The following P2RY8 variants were observed in gnomAD, a reference collection of about 807,000 sequenced individuals.
P2RY8 encodes P2Y receptor family member 8.
In P2RY8, 6 loss-of-function variants were observed where a neutral mutation model predicts 10.0. The observed-to-expected ratio is 0.60, with a 90% CI of 0.33 to 1.19. The LOEUF (loss-of-function observed/expected upper bound fraction) is 1.19. P2RY8 is among the 50% of genes most tolerant of loss of function. The pLI is 0.04. For synonymous variants in P2RY8, 276 were observed against 252.5 expected, an observed-to-expected ratio of 1.09 and a Z score of -0.88; for missense variants, 456 against 542.0, an observed-to-expected ratio of 0.84 and a Z score of 1.58.
At chrX:1,492,015 G>A (rs1490729725) in intron 1 of P2RY8, among the ~76,000 whole-genome samples, 1 of 152,210 alleles carries the variant, frequency 6.6e-6, no homozygotes, top group Admixed American at 6.5e-5. Flanking sequence ...GGTCCAGCTT[G>A]CTACTGGCCC....
intron 1 of P2RY8, among the ~76,000 whole-genome samples, chrX:1,487,212 G>C (rs2091994835): frequency 6.6e-6 from 1 of 152,190 alleles, no homozygotes; most frequent in Non-Finnish European, 1.5e-5. Flanking sequence ...AAGTTCTCAA[G>C]TCCAGCATTG....
intron 1 of P2RY8, among the ~76,000 whole-genome samples, chrX:1,511,768 C>G (rs1415075588): frequency 6.6e-6 from 1 of 152,220 alleles, no homozygotes; most frequent in Non-Finnish European, 1.5e-5. Flanking sequence ...GGATGGCCAG[C>G]TGGGTCCCTT....
intron 1 of P2RY8, among the ~76,000 whole-genome samples, chrX:1,500,531 G>A (rs766981383): frequency 6.7e-6 from 1 of 149,666 alleles, no homozygotes; most frequent in African/African-American, 2.5e-5. Context: ...TGCAACCTCC[G>A]CCTCCCGAGT....
rs1266109531 is a variant in P2RY8 at position 1,536,966 on chromosome X, T to C, written c.-70A>G. On this transcript the variant is annotated 5_prime_UTR_variant, in exon 1 of 2. Coordinates refer to ENST00000381297, the MANE Select transcript of P2RY8 (RefSeq NM_178129.5). The stretch of plus-strand genomic sequence containing the variant: ...AAGTAGCAGGTGAGAGCTCAGAGGG[T>C]CTCCAGGTAACAGGATGCAACGCTT... 1.3e-5 allele frequency: 3 copies of C among 230,486 alleles called. No individual in the cohort carries two copies. The Admixed American group carries it at 1.7e-4, about 13-fold the overall frequency. The allele number at this position is 230,486 out of a possible 1,614,324, so 14.3% of individuals were successfully genotyped here.
chrX:1,466,164 T>C lies in P2RY8; in HGVS notation c.395A>G (p.Lys132Arg), dbSNP rs749429875. Residue 132 changes from lysine (K) to arginine (R), a missense_variant, in exon 2 of 2, where the codon AAG becomes AGG. Transcript: ENST00000381297. ...CGCGTAACGACGGCGGCGCCAGCGC[T>C]TGGAGCTGAGCGGGTACAGGACCCC... ...FLGVLYPLSSKRWRRRRYAVA... is the reference protein window; with the variant it reads ...FLGVLYPLSSRRWRRRRYAVA... The C allele has an allele frequency of 6.2e-7, 1 of 1,612,272 alleles. No homozygotes were observed. Among genetic ancestry groups the C allele is most frequent in the East Asian group, 2.2e-5 (1 of 44,848 alleles).
At position 1,496,090 on chromosome X, in the gene P2RY8, T is replaced by C. The variant is rs767618022; in HGVS notation, c.-24-29508A>G. Among the ~76,000 whole-genome samples, 20 of 152,306 alleles carry C rather than the reference T, an allele frequency of 1.3e-4. 1 individual carries two copies. The South Asian group carries it at 3.9e-3, about 30-fold the overall frequency. On this transcript the variant is annotated intron_variant, in intron 1 of 1. Coordinates refer to ENST00000381297, the MANE Select transcript of P2RY8 (RefSeq NM_178129.5). ...AGTCCACCCAGTTTGCAGTGTTTTA[T>C]TACGGCGGCCGAGCTGACTACCCAT...
At chrX:1,493,600 A>G (rs1443846796) in intron 1 of P2RY8, among the ~76,000 whole-genome samples, 1 of 152,200 alleles carries the variant, frequency 6.6e-6, no homozygotes, top group African/African-American at 2.4e-5. Flanking sequence ...CCCACAAAAC[A>G]AAAGCAAAAT....
chrX:1,535,024 C>T (rs778331472), intron 1 of P2RY8, among the ~76,000 whole-genome samples: 1 of 152,030 alleles, frequency 6.6e-6, no homozygotes, highest in South Asian at 2.1e-4. Flanking sequence ...TCCCGTACGT[C>T]CCATGCACGC....
intron 1 of P2RY8, among the ~76,000 whole-genome samples, chrX:1,468,629 C>T (rs770536282): frequency 6.6e-6 from 1 of 152,062 alleles, no homozygotes; most frequent in East Asian, 1.9e-4. Flanking sequence ...GGTGTCTGGC[C>T]TGCAGAGGTG....
intron 1 of P2RY8, among the ~76,000 whole-genome samples, chrX:1,476,049 A>G (rs1378731089): frequency 1.3e-5 from 2 of 152,138 alleles, no homozygotes; most frequent in African/African-American, 4.8e-5. Flanking sequence ...ATGTGGATCT[A>G]TGGCACAGGG....
At chrX:1,467,832 C>T (rs1178691711) in intron 1 of P2RY8, among the ~76,000 whole-genome samples, 4 of 151,870 alleles carry the variant, frequency 2.6e-5, no homozygotes, top group Non-Finnish European at 4.4e-5. Context: ...GAGAGTACAA[C>T]CACGCCCAGC....
At chrX:1,478,272 T>TGTGTGTGC (rs1318193075) in intron 1 of P2RY8, among the ~76,000 whole-genome samples, 10 of 104,012 alleles carry the variant, frequency 9.6e-5, no homozygotes, top group African/African-American at 3.2e-4. Flanking sequence ...TGTGTGTGTG[T>TGTGTGTGC]GCCCAGCAGG....
At chrX:1,491,181 T>C (rs2092044637) in intron 1 of P2RY8, among the ~76,000 whole-genome samples, 1 of 149,398 alleles carries the variant, frequency 6.7e-6, no homozygotes, top group Admixed American at 6.6e-5. Flanking sequence ...TCTGCAAATG[T>C]AGAGAGAATG....
At chrX:1,490,430 T>C (rs59837401) in intron 1 of P2RY8, among the ~76,000 whole-genome samples, 1 of 147,272 alleles carries the variant, frequency 6.8e-6, no homozygotes, top group Admixed American at 6.7e-5. Flanking sequence ...GTTCTGCAAA[T>C]GTAGAGAGAA....
chrX:1,514,215 C>T (rs1261791927), intron 1 of P2RY8, among the ~76,000 whole-genome samples: 1 of 152,168 alleles, frequency 6.6e-6, no homozygotes, highest in Non-Finnish European at 1.5e-5. Context: ...AAGTACAATT[C>T]TGTTTAATCT....
At chrX:1,524,753 C>T (rs1305120920) in intron 1 of P2RY8, among the ~76,000 whole-genome samples, 3 of 96,642 alleles carry the variant, frequency 3.1e-5, no homozygotes, top group Admixed American at 1.0e-4. Context: ...ATCCATCCAT[C>T]CATCCATCCA....
chrX:1,472,418 G>C (rs1196406053), intron 1 of P2RY8, among the ~76,000 whole-genome samples: 6 of 146,858 alleles, frequency 4.1e-5, no homozygotes, highest in Admixed American at 2.7e-4. Context: ...GTGGATGAAT[G>C]GGTACATGGG....
rs1247826955 is a variant in P2RY8, at chrX:1,462,592, G to A, written c.*2887C>T. The A allele has an allele frequency of 3.7e-5, 7 of 187,508 alleles. No individual in the cohort carries two copies. Among genetic ancestry groups the A allele is most frequent in the African/African-American group, 2.1e-4 (7 of 33,508 alleles). The allele number at this position is 187,508 out of a possible 1,614,324, so 11.6% of individuals were successfully genotyped here. On this transcript the variant is annotated 3_prime_UTR_variant, in exon 2 of 2. Transcript: ENST00000381297. ...ACACATTTGCCCTGTGCACTTCAAA[G>A]CTCATGTTTTTTTTTAATGTTTTAT...
chrX:1,495,120 A>G (rs1272168500), intron 1 of P2RY8, among the ~76,000 whole-genome samples: 1 of 152,076 alleles, frequency 6.6e-6, no homozygotes, highest in Non-Finnish European at 1.5e-5. Flanking sequence ...CACTGTACTC[A>G]CTGTTCGGAA....
Sources: gnomAD v4.1 joint callset for allele counts (sites outside exome capture counted in the v4.1 genomes callset) on GRCh38, gnomAD v4.1.1 for gene constraint, MANE v1.5 for transcripts, NCBI Gene and HGNC (gene_info 2026-07-23, HGNC 2026-07-21) for gene names.